CACNA2D3: variants seen among roughly 807,000 people sequenced by gnomAD.
CACNA2D3 encodes the protein voltage-dependent calcium channel subunit alpha-2/delta-3.
Under a neutral mutation model 160.6 loss-of-function variants are expected in CACNA2D3, and 60 were observed. The observed-to-expected ratio is 0.37, with a 90% CI of 0.30 to 0.46. The LOEUF is 0.46. Ranked by LOEUF, CACNA2D3 falls within the 20% of genes least tolerant of loss-of-function variation. The pLI is 1.00. For synonymous variants in CACNA2D3, 558 were observed against 492.9 expected (o/e 1.13, Z -1.75); for missense variants, 1,205 against 1,365.0 (o/e 0.88, Z 1.85).
At chr3:54,385,284 T>C (rs1284697217) in intron 3 of CACNA2D3, among the ~76,000 whole-genome samples, 1 of 152,128 alleles carries the variant, frequency 6.6e-6, no homozygotes, top group African/African-American at 2.4e-5. Flanking sequence ...GTCTGCACTT[T>C]GGGAAGCACT....
intron 2 of CACNA2D3, among the ~76,000 whole-genome samples, chr3:54,139,046 T>C (rs908024700): frequency 1.3e-5 from 2 of 152,188 alleles, no homozygotes; most frequent in Admixed American, 6.5e-5. Context: ...GGCCTGACAC[T>C]GCTGAGCTTG....
intron 2 of CACNA2D3, 64 bp downstream of exon 2, chr3:54,123,658 G>C: frequency 7.4e-7 from 1 of 1,351,168 alleles, no homozygotes; most frequent in Non-Finnish European, 1.1e-6. Context: ...GGCAGATTTA[G>C]TTTTCCAAAC....
At chr3:54,901,633 A>T (rs527930657) in intron 27 of CACNA2D3, among the ~76,000 whole-genome samples, 1 of 152,170 alleles carries the variant, frequency 6.6e-6, no homozygotes, top group Non-Finnish European at 1.5e-5. Context: ...GTGTATGCCA[A>T]ATGGCCCCCA....
chr3:54,582,526 T>TA (rs1702694815), intron 9 of CACNA2D3, among the ~76,000 whole-genome samples: 1 of 152,212 alleles, frequency 6.6e-6, no homozygotes, highest in African/African-American at 2.4e-5. Flanking sequence ...TCAGTACAGC[T>TA]ACCGCAACCA....
intron 2 of CACNA2D3, among the ~76,000 whole-genome samples, chr3:54,247,312 T>TCAAACAAA (rs112242643): frequency 0.099 from 14,992 of 150,754 alleles, 1,554 homozygotes; most frequent in African/African-American, 0.24. Flanking sequence ...CGACTCCATC[T>TCAAACAAA]CAAACAAACA....
intron 2 of CACNA2D3, among the ~76,000 whole-genome samples, chr3:54,315,322 T>C (rs1703835681): frequency 6.6e-6 from 1 of 152,152 alleles, no homozygotes; most frequent in Non-Finnish European, 1.5e-5. Context: ...GGAGGAACAA[T>C]CAACTCTCGT....
intron 31 of CACNA2D3, among the ~76,000 whole-genome samples, chr3:54,998,712 GT>G (rs1553626474): frequency 7.4e-6 from 1 of 134,622 alleles, no homozygotes; most frequent in African/African-American, 2.7e-5. Flanking sequence ...GCTAAAGTTG[GT>G]TTTTGTTTTG....
intron 4 of CACNA2D3, among the ~76,000 whole-genome samples, chr3:54,428,299 C>T (rs1699938561): frequency 6.6e-6 from 1 of 152,200 alleles, no homozygotes; most frequent in Non-Finnish European, 1.5e-5. Context: ...CAGTTTCTTC[C>T]ATGTTCATAT....
chr3:54,167,432 T>G (rs921636257), intron 2 of CACNA2D3, among the ~76,000 whole-genome samples: 18 of 152,234 alleles, frequency 1.2e-4, no homozygotes, highest in Admixed American at 8.5e-4. Context: ...TATACCCATC[T>G]GCCATTTGTC....
At chr3:54,326,208 T>A (rs781274462) in intron 3 of CACNA2D3, among the ~76,000 whole-genome samples, 1 of 152,218 alleles carries the variant, frequency 6.6e-6, no homozygotes, top group Non-Finnish European at 1.5e-5. Context: ...AGGAAACGAA[T>A]ATCAGTATTT....
At chr3:54,778,751 G>A in intron 13 of CACNA2D3, among the ~76,000 whole-genome samples, 1 of 152,152 alleles carries the variant, frequency 6.6e-6, no homozygotes, top group East Asian at 1.9e-4. Context: ...GAGATCCAAA[G>A]GTTGGAGGGC....
At chr3:54,490,088 T>C (rs1220997631) in intron 4 of CACNA2D3, among the ~76,000 whole-genome samples, 3 of 152,174 alleles carry the variant, frequency 2.0e-5, no homozygotes, top group Non-Finnish European at 2.9e-5. Flanking sequence ...CCTACTAATT[T>C]TTATTTTTTA....
At chr3:54,146,678 A>G (rs1576957911) in intron 2 of CACNA2D3, among the ~76,000 whole-genome samples, 4 of 152,240 alleles carry the variant, frequency 2.6e-5, no homozygotes, top group Admixed American at 1.3e-4. Flanking sequence ...GGAAGCTACA[A>G]GGGAGTGTGG....
intron 2 of CACNA2D3, among the ~76,000 whole-genome samples, chr3:54,265,565 G>GTA (rs67570750): frequency 0.62 from 84,973 of 137,560 alleles, 27,186 homozygotes; most frequent in Middle Eastern, 0.73. Context: ...TGTATAGTGT[G>GTA]TATATATATA....
intron 11 of CACNA2D3, among the ~76,000 whole-genome samples, chr3:54,707,111 A>G (rs1700870413): frequency 6.6e-6 from 1 of 152,242 alleles, no homozygotes; most frequent in Non-Finnish European, 1.5e-5. Flanking sequence ...GGCAAGAGCC[A>G]GCTACTTCCT....
At chr3:54,401,690 C>A (rs547272425) in intron 4 of CACNA2D3, among the ~76,000 whole-genome samples, 2 of 152,238 alleles carry the variant, frequency 1.3e-5, no homozygotes, top group African/African-American at 4.8e-5. Flanking sequence ...AAAAGTCTTT[C>A]CTAGGCAAGC....
At chr3:54,610,202 A>T (rs1034711475) in intron 9 of CACNA2D3, among the ~76,000 whole-genome samples, 1 of 152,310 alleles carries the variant, frequency 6.6e-6, no homozygotes, top group East Asian at 1.9e-4. Flanking sequence ...TAATGGCCCT[A>T]TCCTAAATAA....
chr3:54,683,538 A>AT (rs1242253049), intron 11 of CACNA2D3, among the ~76,000 whole-genome samples: 1 of 152,194 alleles, frequency 6.6e-6, no homozygotes, highest in Non-Finnish European at 1.5e-5. Context: ...GAAATTACCA[A>AT]TACTTAGGTC....
chr3:55,055,547 T>C (rs1704339662), intron 35 of CACNA2D3, among the ~76,000 whole-genome samples: 1 of 152,120 alleles, frequency 6.6e-6, no homozygotes, highest in African/African-American at 2.4e-5. Context: ...TGGTGATTTC[T>C]CATGAATTTT....
Sources: allele counts gnomAD v4.1 joint callset (sites outside exome capture counted in the v4.1 genomes callset), GRCh38; gene constraint gnomAD v4.1.1; transcripts MANE v1.5; gene names NCBI Gene and HGNC (gene_info 2026-07-23, HGNC 2026-07-21).